ZNF836: variants seen among roughly 807,000 people sequenced by gnomAD.
ZNF836 encodes zinc finger protein 836.
A neutral mutation model predicts 7.4 loss-of-function variants in ZNF836; 12 were observed. That is an observed-to-expected ratio of 1.61 (90% confidence interval 1.03 to 2.61). ZNF836 has a LOEUF of 2.61. ZNF836 is among the 30% of genes most tolerant of loss of function. The probability of loss-of-function intolerance (pLI) is 0.00; values close to 1 mark genes in which losing one functional copy is unlikely to be tolerated. For synonymous variants in ZNF836, 365 were observed against 382.6 expected, an observed-to-expected ratio of 0.95 and a Z score of 0.54; for missense variants, 998 against 1,126.2, an observed-to-expected ratio of 0.89 and a Z score of 1.63.
At position 52,168,215 on chromosome 19, in the gene ZNF836, C is replaced by CT; in HGVS notation, c.-80-64_-80-63insA. The CT allele has an allele frequency of 2.7e-6, 3 of 1,113,306 alleles. No homozygotes were observed. The South Asian group carries it at 4.6e-5, about 17-fold the overall frequency. The allele number at this position is 1,113,306 out of a possible 1,614,324, so 69.0% of individuals were successfully genotyped here. On this transcript the variant is annotated intron_variant, in intron 2 of 4. Coordinates refer to ENST00000682614, the MANE Select transcript of ZNF836 (RefSeq NM_001102657.3). ...AACACATTCCTTTCTGCGCTACAAC[C>CT]ATGCCCACAGGGAAGACCTCAGCAT...
rs201510216 is a variant in ZNF836, at chr19:52,156,173, C to T, written c.1510G>A (p.Gly504Ser). 3.2e-5 allele frequency: 52 copies of T among 1,614,030 alleles called. No individual in the cohort carries two copies. In the African/African-American group the frequency reaches 6.5e-4, roughly 20 times the overall value. Residue 504 changes from glycine (G) to serine (S), a missense_variant, in exon 5 of 5, where the codon GGT (glycine) becomes AGT (serine). Physicochemically the swap from Gly to Ser is moderately conservative, Grantham distance 56. Coordinates refer to ENST00000682614, the MANE Select transcript of ZNF836 (RefSeq NM_001102657.3). Reference sequence around the variant, plus strand: ...AATGAGCCCTGTTTAAAGGCTTTACCACATTTATCACATTTGTAAGGTTTC... The same window carrying T: ...AATGAGCCCTGTTTAAAGGCTTTACTACATTTATCACATTTGTAAGGTTTC... ...GEKPYKCDKC[G>S]KAFKQGSLLT...
chr19:52,164,723 C>T (rs2089247074), intron 3 of ZNF836, among the ~76,000 whole-genome samples: 1 of 152,050 alleles, frequency 6.6e-6, no homozygotes, highest in African/African-American at 2.4e-5. Context: ...TTCTGGAAGT[C>T]CAATAAATAA....
In ZNF836 at chr19:52,155,725, A is replaced by G. The variant is rs1238192449; in HGVS notation, c.1958T>C (p.Leu653Pro). 1 of 1,614,238 alleles carries G rather than the reference A, an allele frequency of 6.2e-7. No homozygotes were observed. The highest frequency in any genetic ancestry group is 8.5e-7 in the Non-Finnish European group (1 of 1,180,034). The change falls in exon 5 of 5, where the codon CTA (leucine) becomes CCA (proline). Residue 653 changes from leucine (L) to proline (P), a missense_variant. Physicochemically the swap from Leu to Pro is moderately conservative, Grantham distance 98. Transcript: ENST00000682614. ...GGTATGAATTTTCCGATGACGTGCT[A>G]GGCATGAGTAGTAACTGAAAACCTT... ...CGKVFSYYSC[L>P]ARHRKIHTGE...
chr19:52,167,388 C>T (rs1026364831), intron 3 of ZNF836, among the ~76,000 whole-genome samples: 4 of 137,414 alleles, frequency 2.9e-5, no homozygotes, highest in African/African-American at 1.1e-4. Flanking sequence ...ATGAGAATCA[C>T]TTGAACCAGG....
chr19:52,164,066 A>G (rs7259705), intron 3 of ZNF836, among the ~76,000 whole-genome samples: 2 of 151,144 alleles, frequency 1.3e-5, no homozygotes, highest in Non-Finnish European at 3.0e-5. Context: ...GGAGGGAAGA[A>G]CAAGAAAGAA....
At position 52,156,159 on chromosome 19, in the gene ZNF836, T is replaced by C. The variant is rs1568569438; in HGVS notation, c.1524A>G (p.Lys508=). 6.2e-7 allele frequency: 1 copy of C among 1,614,122 alleles called. No individual in the cohort carries two copies. Among genetic ancestry groups the C allele is most frequent in the South Asian group, 1.1e-5 (1 of 91,080 alleles). ...YKCDKCGKAF[K]QGSLLTRHKI... The stretch of plus-strand genomic sequence containing the variant: ...TATGTCGAGTGAGTAATGAGCCCTG[T>C]TTAAAGGCTTTACCACATTTATCAC... Residue 508 remains lysine (K), a synonymous_variant, in exon 5 of 5, where the codon AAA becomes AAG. Coordinates refer to ENST00000682614, the MANE Select transcript of ZNF836 (RefSeq NM_001102657.3).
Position 52,161,444 on chromosome 19 carries a change from T to C in ZNF836, c.16-853A>G, listed in dbSNP as rs1282338916. Among the ~76,000 whole-genome samples, 1 of 130,596 alleles carries C rather than the reference T, an allele frequency of 7.7e-6. No homozygotes were observed. Among genetic ancestry groups the C allele is most frequent in the African/African-American group, 3.2e-5 (1 of 30,774 alleles). 85.7% of individuals were successfully genotyped at this position (130,596 alleles called of 152,430 possible). On this transcript the variant is annotated intron_variant, in intron 3 of 4. Coordinates refer to ENST00000682614, the MANE Select transcript of ZNF836 (RefSeq NM_001102657.3). This position sits in a 1 kb window ranked among gnomAD's most constrained non-coding sequence, Gnocchi z 4.1. ...GTCTTGTTGCTGCACAGGGGACGAA[T>C]GCTGTTGTCCCCACATGGCAGAAGG...
chr19:52,165,779 G>A (rs2089257308), intron 3 of ZNF836, among the ~76,000 whole-genome samples: 1 of 152,126 alleles, frequency 6.6e-6, no homozygotes, highest in African/African-American at 2.4e-5. Context: ...TCACTCATTT[G>A]AACAAAACCT....
chr19:52,169,317 C>T (rs1359232165), intron 2 of ZNF836, among the ~76,000 whole-genome samples: 1 of 152,192 alleles, frequency 6.6e-6, no homozygotes, highest in Non-Finnish European at 1.5e-5. Flanking sequence ...CAGTAGCTCA[C>T]ACCTGTAATC....
At chr19:52,159,472 A>G (rs1324843821) in intron 4 of ZNF836, among the ~76,000 whole-genome samples, 2 of 152,234 alleles carry the variant, frequency 1.3e-5, no homozygotes, top group Non-Finnish European at 2.9e-5. Flanking sequence ...CAGTCAGTGC[A>G]GATAACTGGT....
rs756382229 is a variant in ZNF836, at chr19:52,154,939, T to C, written c.2744A>G (p.Glu915Gly). ...CACATTGAATTTTGTTTTAAGACTC[T>C]CTGCAGTATGTTTTGTCTGATGTTT... is the stretch of plus-strand genomic sequence containing the variant. ...LTKHQTKHTA[E>G]SLKTKFNVEK... Residue 915 changes from glutamate to glycine, a missense_variant, in exon 5 of 5, where the codon GAG (glutamate) becomes GGG (glycine). Glu to Gly is a moderately conservative substitution (Grantham distance 98, BLOSUM62 -2). Coordinates refer to ENST00000682614, the MANE Select transcript of ZNF836 (RefSeq NM_001102657.3). The C allele has an allele frequency of 1.6e-5, 25 of 1,568,044 alleles. No homozygotes were observed. Among genetic ancestry groups the C allele is most frequent in the Non-Finnish European group, 2.1e-5 (24 of 1,159,210 alleles).
chr19:52,164,448 AAAAG>A (rs2089243264), intron 3 of ZNF836, among the ~76,000 whole-genome samples: 5 of 122,430 alleles, frequency 4.1e-5, no homozygotes, highest in African/African-American at 6.5e-5. Context: ...AGAGAGAGAG[AAAAG>A]GAAGGAAGGA....
At chr19:52,170,908 C>G (rs2089302243) in intron 1 of ZNF836, among the ~76,000 whole-genome samples, 2 of 150,702 alleles carry the variant, frequency 1.3e-5, no homozygotes, top group Admixed American at 1.3e-4. Flanking sequence ...CTGGGTGTCA[C>G]AAGACTCAGG....
Position 52,157,191 on chromosome 19 carries a change from A to G in ZNF836, c.492T>C (p.Cys164=). 1 of 1,612,912 alleles carries G rather than the reference A, an allele frequency of 6.2e-7. No homozygotes were observed. The highest frequency in any genetic ancestry group is 1.7e-4 in the Middle Eastern group (1 of 6,060). The change falls in exon 5 of 5, where the codon TGT becomes TGC. Residue 164 remains cysteine (C), a synonymous_variant. Coordinates refer to ENST00000682614, the MANE Select transcript of ZNF836 (RefSeq NM_001102657.3). The part of the protein sequence containing the change: ...KFQTEGKIYE[C]NQSEKTVNNS... ...TATTAACTGTCTTCTCAGATTGGTT[A>G]CACTCATAAATTTTCCCTTCAGTTT...
chr19:52,154,384 G>T lies in ZNF836; in HGVS notation c.*488C>A, dbSNP rs148550179. 6.6e-6 allele frequency among the ~76,000 whole-genome samples: 1 copy of T among 152,228 alleles called. No homozygotes were observed. Among genetic ancestry groups the T allele is most frequent in the Non-Finnish European group, 1.5e-5 (1 of 68,016 alleles). The stretch of plus-strand genomic sequence containing the variant: ...CTTTTAACCAACAAGATCTCAGCCA[G>T]GCGCAGTGGCTCACACCTATAATCC... On this transcript the variant is annotated 3_prime_UTR_variant, in exon 5 of 5. Transcript: ENST00000682614.
At chr19:52,160,782 G>A (rs769229354) in intron 3 of ZNF836, 191 bp from the exon 4 acceptor site, 45 of 607,618 alleles carry the variant, frequency 7.4e-5, no homozygotes, top group Middle Eastern at 7.1e-4. Flanking sequence ...ATGATATCCC[G>A]TAAATCAGTG....
rs2089173994 is a variant in ZNF836 at position 52,157,307 on chromosome 19, G to T, written c.376C>A (p.Gln126Lys). ...YKNNLNGKRGQHSQEDVENKC... is the reference protein window; with the variant it reads ...YKNNLNGKRGKHSQEDVENKC... The stretch of plus-strand genomic sequence containing the variant: ...TTTTCTACATCCTCTTGACTATGTT[G>T]ACCTCTTTTACCATTAAGATTGTTT... The change falls in exon 5 of 5, where the codon CAA becomes AAA. Residue 126 changes from glutamine (Q) to lysine (K), a missense_variant. Transcript: ENST00000682614. 1.2e-6 allele frequency: 2 copies of T among 1,605,246 alleles called. No homozygotes were observed. The highest frequency in any genetic ancestry group is 1.7e-6 in the Non-Finnish European group (2 of 1,175,818).
rs1322134664 is a variant in ZNF836 at position 52,156,599 on chromosome 19, T to C, written c.1084A>G (p.Ile362Val). ...TTCTGCCTGAAGACCTTGCCACATA[T>C]ATCACATTGATATGGTTTCTCTCCT... is the stretch of plus-strand genomic sequence containing the variant. ...HTGEKPYQCDICGKVFRQNSN... is the reference protein window; with the variant it reads ...HTGEKPYQCDVCGKVFRQNSN... The change falls in exon 5 of 5, where the codon ATA becomes GTA. Residue 362 changes from isoleucine to valine, a missense_variant. Ile to Val is a conservative substitution (Grantham distance 29). Coordinates refer to ENST00000682614, the MANE Select transcript of ZNF836 (RefSeq NM_001102657.3). The C allele has an allele frequency of 2.5e-6, 4 of 1,612,176 alleles. No individual in the cohort carries two copies. The highest frequency in any genetic ancestry group is 3.4e-6 in the Non-Finnish European group (4 of 1,179,240).
At chr19:52,165,909 T>A (rs1423792735) in intron 3 of ZNF836, among the ~76,000 whole-genome samples, 1 of 151,636 alleles carries the variant, frequency 6.6e-6, no homozygotes, top group Non-Finnish European at 1.5e-5. Flanking sequence ...CTTTGCTCAA[T>A]TTTTTTTTAC....
Sources: gnomAD v4.1 joint callset for allele counts (sites outside exome capture counted in the v4.1 genomes callset) on GRCh38, gnomAD v4.1.1 for gene constraint, Gnocchi (gnomAD v3.1) non-coding constraint, MANE v1.5 for transcripts, NCBI Gene and HGNC (gene_info 2026-07-23, HGNC 2026-07-21) for gene names.